The following MACROD2 variants were observed in gnomAD, a reference collection of about 807,000 sequenced individuals.
MACROD2 encodes the protein ADP-ribose glycohydrolase MACROD2.
Under a neutral mutation model 70.4 loss-of-function variants are expected in MACROD2, and 36 were observed. The observed-to-expected ratio is 0.51, with a 90% CI of 0.39 to 0.68. The LOEUF is 0.68. Ranked by LOEUF, MACROD2 falls within the 30% of genes least tolerant of loss-of-function variation. The pLI is 0.00. For missense variants in MACROD2, 496 were observed against 538.4 expected, an observed-to-expected ratio of 0.92 and a Z score of 0.78; for synonymous variants, 172 against 178.8, an observed-to-expected ratio of 0.96 and a Z score of 0.30.
chr20:15,088,443 A>AC (rs2075768663), intron 5 of MACROD2, among the ~76,000 whole-genome samples: 2 of 46,356 alleles, frequency 4.3e-5, no homozygotes, highest in African/African-American at 1.6e-4. Flanking sequence ...ATATATATAT[A>AC]TATATATAAT....
At chr20:15,387,307 C>T (rs952993683) in intron 6 of MACROD2, among the ~76,000 whole-genome samples, 1 of 152,046 alleles carries the variant, frequency 6.6e-6, no homozygotes, top group African/African-American at 2.4e-5. Context: ...ATATATTCTA[C>T]TTTCTTCCCC....
At chr20:14,582,083 A>C (rs1160713149) in intron 4 of MACROD2, among the ~76,000 whole-genome samples, 3 of 151,916 alleles carry the variant, frequency 2.0e-5, no homozygotes. Context: ...TTCCTATCCC[A>C]TTCAACTCTC....
chr20:15,126,305 G>A (rs1022450108), intron 5 of MACROD2, among the ~76,000 whole-genome samples: 3 of 151,824 alleles, frequency 2.0e-5, no homozygotes, highest in Admixed American at 6.6e-5. Context: ...TGCATCAGCA[G>A]CAGCGACGTA....
intron 2 of MACROD2, among the ~76,000 whole-genome samples, chr20:14,054,490 T>A (rs115546274): frequency 6.2e-4 from 95 of 152,162 alleles, no homozygotes; most frequent in African/African-American, 2.2e-3. Flanking sequence ...TGGCAAGTGC[T>A]CCATGTAATG....
At chr20:14,188,285 G>A (rs2081360231) in intron 3 of MACROD2, among the ~76,000 whole-genome samples, 1 of 152,030 alleles carries the variant, frequency 6.6e-6, no homozygotes, top group Admixed American at 6.6e-5. Flanking sequence ...GTACATTATA[G>A]TTTTAGAGTT....
At chr20:15,947,103 T>G (rs188002544) in intron 12 of MACROD2, among the ~76,000 whole-genome samples, 24 of 152,334 alleles carry the variant, frequency 1.6e-4, no homozygotes, top group Admixed American at 1.1e-3. Flanking sequence ...TTTTCTCCTA[T>G]CTCAGAATTG....
chr20:15,247,725 T>G (rs1338379064), intron 6 of MACROD2, among the ~76,000 whole-genome samples: 1 of 151,014 alleles, frequency 6.6e-6, no homozygotes, highest in Non-Finnish European at 1.5e-5. Context: ...TGAGACTGAG[T>G]CTCACTCTGT....
At chr20:16,024,421 TA>T (rs1239227154) in intron 15 of MACROD2, among the ~76,000 whole-genome samples, 1 of 152,198 alleles carries the variant, frequency 6.6e-6, no homozygotes, top group African/African-American at 2.4e-5. Flanking sequence ...CAAATAGCTA[TA>T]AAAAATACAA....
Position 15,918,244 on chromosome 20 carries a change from T to C in MACROD2, c.776-15032T>C, listed in dbSNP as rs1473528005. 3.3e-5 allele frequency among the ~76,000 whole-genome samples: 5 copies of C among 152,252 alleles called. No individual in the cohort carries two copies. The South Asian group carries it at 1.0e-3, about 31-fold the overall frequency. ...GGACAGACTTTGAAGGGTCATATTT[T>C]ATTTTGGATACATAATGTTTCTTCC... On this transcript the variant is annotated intron_variant, in intron 10 of 17. Coordinates refer to ENST00000684519, the MANE Select transcript of MACROD2 (RefSeq NM_001351661.2).
At chr20:15,822,108 A>C (rs1180614866) in intron 8 of MACROD2, among the ~76,000 whole-genome samples, 1 of 152,178 alleles carries the variant, frequency 6.6e-6, no homozygotes, top group African/African-American at 2.4e-5. Context: ...TAATCATTGA[A>C]AACATCAGAA....
chr20:15,679,243 A>C (rs1415812608), intron 8 of MACROD2, among the ~76,000 whole-genome samples: 5 of 151,718 alleles, frequency 3.3e-5, no homozygotes, highest in Admixed American at 6.6e-5. Context: ...TCTCAAAAAA[A>C]AAAAAAAAAA....
intron 2 of MACROD2, among the ~76,000 whole-genome samples, chr20:14,067,914 GTTGA>G (rs1380692270): frequency 2.0e-5 from 3 of 152,312 alleles, no homozygotes; most frequent in African/African-American, 4.8e-5. Context: ...GGGCAAGCTA[GTTGA>G]TTGATCTCTC....
At chr20:15,472,933 T>A (rs1209277281) in intron 7 of MACROD2, among the ~76,000 whole-genome samples, 1 of 152,354 alleles carries the variant, frequency 6.6e-6, no homozygotes, top group East Asian at 1.9e-4. Context: ...TCTGGTCTTC[T>A]GTTCTCTGCT....
At chr20:14,693,327 G>A (rs2071084588) in intron 5 of MACROD2, among the ~76,000 whole-genome samples, 1 of 152,186 alleles carries the variant, frequency 6.6e-6, no homozygotes, top group Non-Finnish European at 1.5e-5. Flanking sequence ...AAAGCCATCA[G>A]AATGGCTTTG....
At position 15,949,440 on chromosome 20, in the gene MACROD2, A is replaced by C. The variant is rs77315065; in HGVS notation, c.907+11896A>C. 4.8e-3 allele frequency among the ~76,000 whole-genome samples: 724 copies of C among 152,264 alleles called. 5 individuals carry two copies. The highest frequency in any genetic ancestry group is 0.016 in the African/African-American group (681 of 41,542). On this transcript the variant is annotated intron_variant, in intron 12 of 17. Transcript: ENST00000684519. ...AGGTTCAGTAACAGGTAACATTCAA[A>C]ATATTTAACAACAGATGTTGCCCAG...
intron 7 of MACROD2, among the ~76,000 whole-genome samples, chr20:15,442,154 G>C (rs2046503969): frequency 6.6e-6 from 1 of 152,192 alleles, no homozygotes; most frequent in African/African-American, 2.4e-5. Context: ...TCTTCAAAAA[G>C]AACTTCAAAA....
intron 2 of MACROD2, among the ~76,000 whole-genome samples, chr20:14,026,759 C>T (rs1268359989): frequency 6.6e-6 from 1 of 152,192 alleles, no homozygotes; most frequent in Non-Finnish European, 1.5e-5. Context: ...TGACCTTTCT[C>T]TCTGGCTCCC....
At chr20:15,405,413 G>C (rs2045987081) in intron 6 of MACROD2, among the ~76,000 whole-genome samples, 1 of 152,166 alleles carries the variant, frequency 6.6e-6, no homozygotes, top group Non-Finnish European at 1.5e-5. Flanking sequence ...ACTGCGCAGA[G>C]GGGACTTCCA....
Position 14,868,641 on chromosome 20 carries a change from A to G in MACROD2, c.418+183682A>G, listed in dbSNP as rs1398432978. 2.6e-5 allele frequency among the ~76,000 whole-genome samples: 4 copies of G among 152,222 alleles called. No homozygotes were observed. The East Asian group carries it at 7.7e-4, about 29-fold the overall frequency. ...ATTAAGGTGTTTTCCCTTTTCCCAAATGCAAATGTCTTTACTTTCACAAAT... is the reference window on the plus strand; with the variant it reads ...ATTAAGGTGTTTTCCCTTTTCCCAAGTGCAAATGTCTTTACTTTCACAAAT... On this transcript the variant is annotated intron_variant, in intron 5 of 17. Transcript: ENST00000684519.
Sources: gnomAD v4.1 joint callset for allele counts (sites outside exome capture counted in the v4.1 genomes callset) on GRCh38, gnomAD v4.1.1 for gene constraint, MANE v1.5 for transcripts, NCBI Gene and HGNC (gene_info 2026-07-23, HGNC 2026-07-21) for gene names.